Variants in PTPRT observed in about 807,000 individuals in gnomAD.
PTPRT encodes receptor-type tyrosine-protein phosphatase T.
In PTPRT, 56 loss-of-function variants were observed where a neutral mutation model predicts 176.8. The ratio of observed to expected loss-of-function variants is 0.32; its 90% CI spans 0.26 to 0.40. The LOEUF is 0.40. Ranked by LOEUF, PTPRT falls within the 10% of genes least tolerant of loss-of-function variation. The pLI, the probability that PTPRT is intolerant of heterozygous loss-of-function variation, is 1.00. For missense variants in PTPRT, 1,540 were observed against 1,908.2 expected (o/e 0.81, Z 3.60); for synonymous variants, 783 against 739.0 (o/e 1.06, Z -0.96).
At chr20:42,683,920 T>C (rs753460959) in intron 6 of PTPRT, among the ~76,000 whole-genome samples, 6 of 152,204 alleles carry the variant, frequency 3.9e-5, no homozygotes, top group Non-Finnish European at 8.8e-5. Flanking sequence ...AGGGATTCTA[T>C]GTGTACTGAA....
At chr20:42,835,970 G>A (rs1364493425) in intron 2 of PTPRT, among the ~76,000 whole-genome samples, 2 of 152,136 alleles carry the variant, frequency 1.3e-5, no homozygotes, top group African/African-American at 2.4e-5. Context: ...ACGTTGGGAA[G>A]GAGACTAGCT....
At chr20:42,804,604 T>C (rs2077578143) in intron 2 of PTPRT, among the ~76,000 whole-genome samples, 1 of 152,124 alleles carries the variant, frequency 6.6e-6, no homozygotes, top group Non-Finnish European at 1.5e-5. Context: ...ACAAAGTGAG[T>C]GGCTGAAACA....
At chr20:42,071,867 C>G (rs1982353936), downstream of PTPRT, among the ~76,000 whole-genome samples, 1 of 151,796 alleles carries the variant, frequency 6.6e-6, no homozygotes, top group Non-Finnish European at 1.5e-5. Context: ...TTATGTTGCC[C>G]AGGCTGGTCT....
chr20:42,601,409 C>G lies in PTPRT; in HGVS notation c.1153+76457G>C, dbSNP rs190178245. ...CTTTGTAGGCCATCAAGCATCAGCA[C>G]ATGTCACGATTATCTGGGTGCTCAT... is the stretch of plus-strand genomic sequence containing the variant. On this transcript the variant is annotated intron_variant, in intron 7 of 30. Transcript: ENST00000373187. 7.9e-5 allele frequency among the ~76,000 whole-genome samples: 12 copies of G among 152,306 alleles called. No individual in the cohort carries two copies. The East Asian group carries it at 2.3e-3, about 29-fold the overall frequency.
chr20:42,384,608 T>C (rs989808474), intron 9 of PTPRT, among the ~76,000 whole-genome samples: 1 of 152,208 alleles, frequency 6.6e-6, no homozygotes, highest in Admixed American at 6.5e-5. Flanking sequence ...ACTTCAATTC[T>C]TTTGGGTATA....
chr20:42,060,348 A>G, the PTPRT span, among the ~76,000 whole-genome samples: 1 of 152,136 alleles, frequency 6.6e-6, no homozygotes, highest in Admixed American at 6.5e-5. Context: ...ACACAGGATT[A>G]GTGGCTTTGT....
At chr20:42,276,549 AT>A (rs1600767777) in intron 13 of PTPRT, among the ~76,000 whole-genome samples, 1 of 74,698 alleles carries the variant, frequency 1.3e-5, no homozygotes, top group African/African-American at 5.1e-5. Flanking sequence ...ATATATATAT[AT>A]ATATATATAA....
chr20:42,333,225 C>A (rs752043322), intron 11 of PTPRT, among the ~76,000 whole-genome samples: 5 of 152,102 alleles, frequency 3.3e-5, no homozygotes, highest in Non-Finnish European at 5.9e-5. Flanking sequence ...ATCCAATTAT[C>A]TTCTACTAAG....
chr20:43,160,132 T>C (rs2014651708), intron 1 of PTPRT, among the ~76,000 whole-genome samples: 1 of 152,076 alleles, frequency 6.6e-6, no homozygotes. Context: ...AGTGCTTATG[T>C]GTGAGCAAGA....
chr20:42,514,920 C>T (rs189566432), intron 7 of PTPRT, among the ~76,000 whole-genome samples: 2 of 152,292 alleles, frequency 1.3e-5, no homozygotes, highest in East Asian at 3.9e-4. Context: ...TTCACATTCT[C>T]TTAATTTCTG....
intron 8 of PTPRT, among the ~76,000 whole-genome samples, chr20:42,468,219 G>C (rs1374205016): frequency 6.6e-6 from 1 of 152,198 alleles, no homozygotes; most frequent in Non-Finnish European, 1.5e-5. Context: ...GATGACAGCA[G>C]CATGAATTCA....
intron 1 of PTPRT, among the ~76,000 whole-genome samples, chr20:43,086,086 G>A (rs943822343): frequency 6.6e-6 from 1 of 152,158 alleles, no homozygotes; most frequent in Non-Finnish European, 1.5e-5. Flanking sequence ...TAAAGGGCAA[G>A]ACCAAAGGAA....
chr20:42,319,036 A>T (rs2057760927), intron 11 of PTPRT, among the ~76,000 whole-genome samples: 1 of 152,178 alleles, frequency 6.6e-6, no homozygotes, highest in South Asian at 2.1e-4. Context: ...GCTGCCAAGG[A>T]CTATTAGACA....
At chr20:42,236,144 A>T (rs1047745296) in intron 15 of PTPRT, 85 bp downstream of exon 15, 1 of 1,198,996 alleles carries the variant, frequency 8.3e-7, no homozygotes, top group Non-Finnish European at 1.2e-6. Flanking sequence ...TGAGAAACTA[A>T]CAGACACTTG....
chr20:42,116,400 A>G (rs1393252306), intron 21 of PTPRT, among the ~76,000 whole-genome samples: 1 of 152,166 alleles, frequency 6.6e-6, no homozygotes, highest in East Asian at 1.9e-4. Flanking sequence ...GCAACAGAGC[A>G]TGGGGGCAAA....
intron 4 of PTPRT, among the ~76,000 whole-genome samples, chr20:42,778,393 T>C (rs1247978063): frequency 1.3e-5 from 2 of 152,088 alleles, no homozygotes; most frequent in African/African-American, 4.8e-5. Flanking sequence ...AGCACAAAGT[T>C]CTGGGATCCA....
At chr20:42,110,198 C>A (rs895103012) in intron 23 of PTPRT, 135 bp downstream of exon 23, 1 of 763,862 alleles carries the variant, frequency 1.3e-6, no homozygotes, top group Non-Finnish European at 1.9e-6. Flanking sequence ...AGATGTATGC[C>A]ACCATGACCA....
chr20:43,107,516 G>A (rs2012668341), intron 1 of PTPRT, among the ~76,000 whole-genome samples: 1 of 152,204 alleles, frequency 6.6e-6, no homozygotes, highest in Non-Finnish European at 1.5e-5. Flanking sequence ...AGACTAAGTG[G>A]TGTAACCGAA....
rs368375077 is a variant in PTPRT at position 43,066,810 on chromosome 20, C to A, written c.88+122836G>T. On this transcript the variant is annotated intron_variant, in intron 1 of 30. Coordinates refer to ENST00000373187, the MANE Select transcript of PTPRT (RefSeq NM_007050.6). ...GCAAACTTGATGGGTCAAATCTAACCCACCCTCTCTTTTCGTAAATGAGGT... is the reference window on the plus strand; with the variant it reads ...GCAAACTTGATGGGTCAAATCTAACACACCCTCTCTTTTCGTAAATGAGGT... Among the ~76,000 whole-genome samples, 31 of 152,296 alleles carry A rather than the reference C, an allele frequency of 2.0e-4. No individual in the cohort carries two copies. In the South Asian group the frequency reaches 6.0e-3, roughly 30 times the overall value.
Sources: gnomAD v4.1 joint callset for allele counts (sites outside exome capture counted in the v4.1 genomes callset) on GRCh38, gnomAD v4.1.1 for gene constraint, MANE v1.5 for transcripts, NCBI Gene and HGNC (gene_info 2026-07-23, HGNC 2026-07-21) for gene names.